The following NBEA variants were observed in gnomAD, a reference collection of about 807,000 sequenced individuals.
NBEA encodes lysosomal-trafficking regulator 2.
NBEA carries 44 observed loss-of-function variants against 343.4 expected under a neutral mutation model. That is an observed-to-expected ratio of 0.13 (90% CI 0.10 to 0.16). The LOEUF (loss-of-function observed/expected upper bound fraction) is 0.16. NBEA is among the 10% of genes least tolerant of loss of function. The pLI is 1.00. For missense variants in NBEA, 2,555 were observed against 3,631.3 expected, an observed-to-expected ratio of 0.70 and a Z score of 7.62; for synonymous variants, 1,175 against 1,238.7, an observed-to-expected ratio of 0.95 and a Z score of 1.08.
At chr13:35,208,527 T>C (rs977871195) in intron 31 of NBEA, among the ~76,000 whole-genome samples, 173 bp from the exon 32 acceptor site, 1 of 152,206 alleles carries the variant, frequency 6.6e-6, no homozygotes, top group African/African-American at 2.4e-5. Context: ...TAATATATCC[T>C]TAATGTCCAT....
intron 40 of NBEA, among the ~76,000 whole-genome samples, chr13:35,468,677 T>G (rs1249316591): frequency 6.6e-6 from 1 of 152,016 alleles, no homozygotes; most frequent in African/African-American, 2.4e-5. Flanking sequence ...TTTCTCTCAC[T>G]GCAATGAGTA....
At chr13:35,449,537 T>C (rs953436105) in intron 39 of NBEA, among the ~76,000 whole-genome samples, 5 of 152,196 alleles carry the variant, frequency 3.3e-5, no homozygotes, top group African/African-American at 1.2e-4. Flanking sequence ...TCAGGAGAGA[T>C]TTCTGAATTA....
At chr13:35,043,074 A>T (rs1258017108) in intron 2 of NBEA, among the ~76,000 whole-genome samples, 1 of 151,890 alleles carries the variant, frequency 6.6e-6, no homozygotes, top group Non-Finnish European at 1.5e-5. Flanking sequence ...AAGACCGTCT[A>T]TAATAAAATT....
intron 10 of NBEA, among the ~76,000 whole-genome samples, chr13:35,081,604 G>C (rs1055964782): frequency 1.1e-4 from 17 of 151,650 alleles, no homozygotes; most frequent in African/African-American, 4.1e-4. Flanking sequence ...TGAGGCATTT[G>C]AGAAAACAGT....
chr13:35,102,191 G>C (rs1294127321), intron 11 of NBEA, among the ~76,000 whole-genome samples: 2 of 151,416 alleles, frequency 1.3e-5, no homozygotes, highest in African/African-American at 4.9e-5. Context: ...AGCTGGCCCA[G>C]TACCATTTTT....
At chr13:35,417,884 G>A (rs965788609) in intron 38 of NBEA, among the ~76,000 whole-genome samples, 1 of 152,128 alleles carries the variant, frequency 6.6e-6, no homozygotes, top group Non-Finnish European at 1.5e-5. Flanking sequence ...CTCTTTGTAG[G>A]TCTCTAAGGA....
chr13:35,221,342 C>CAAA (rs35904333), intron 33 of NBEA, among the ~76,000 whole-genome samples: 3 of 137,700 alleles, frequency 2.2e-5, no homozygotes, highest in African/African-American at 2.8e-5. Context: ...GACACTATTT[C>CAAA]AAAAAAAAAA....
chr13:35,326,491 C>A (rs2038567831), intron 36 of NBEA, among the ~76,000 whole-genome samples: 3 of 152,012 alleles, frequency 2.0e-5, no homozygotes, highest in Non-Finnish European at 2.9e-5. Flanking sequence ...GATTTGGTAT[C>A]CTGAAACTTT....
chr13:34,995,694 T>C (rs528350974), intron 1 of NBEA, among the ~76,000 whole-genome samples: 18 of 152,302 alleles, frequency 1.2e-4, no homozygotes, highest in Middle Eastern at 6.8e-3. Context: ...TGACTGAAGC[T>C]CAGATGCTGT....
At chr13:35,464,564 C>T (rs2047071847) in intron 40 of NBEA, among the ~76,000 whole-genome samples, 1 of 152,120 alleles carries the variant, frequency 6.6e-6, no homozygotes, top group South Asian at 2.1e-4. Context: ...TAGGAGGCAG[C>T]GTATATAACA....
At chr13:35,239,283 A>G (rs2075377622) in intron 34 of NBEA, among the ~76,000 whole-genome samples, 1 of 152,082 alleles carries the variant, frequency 6.6e-6, no homozygotes, top group Non-Finnish European at 1.5e-5. Context: ...TTATAGCTAC[A>G]TGATATACAT....
At chr13:35,327,993 A>G (rs1414764965) in intron 36 of NBEA, among the ~76,000 whole-genome samples, 1 of 151,964 alleles carries the variant, frequency 6.6e-6, no homozygotes, top group Non-Finnish European at 1.5e-5. Flanking sequence ...TATAGCTAAC[A>G]TTTTAATGCA....
chr13:35,037,418 T>C (rs1287670345), intron 1 of NBEA, among the ~76,000 whole-genome samples: 1 of 152,178 alleles, frequency 6.6e-6, no homozygotes, highest in Non-Finnish European at 1.5e-5. Flanking sequence ...ATTTAGTTCA[T>C]TTGGTGAGGT....
chr13:35,487,995 G>T (rs565575209), intron 41 of NBEA, among the ~76,000 whole-genome samples: 1 of 151,744 alleles, frequency 6.6e-6, no homozygotes, highest in African/African-American at 2.4e-5. Context: ...CCATACCCAC[G>T]CAGATAAATG....
chr13:35,635,910 G>A (rs546236571), intron 49 of NBEA, among the ~76,000 whole-genome samples: 2 of 152,314 alleles, frequency 1.3e-5, no homozygotes, highest in South Asian at 2.1e-4. Context: ...AAAGTTGGAT[G>A]TATGTCATTT....
At chr13:35,225,837 C>T (rs2074623633) in intron 33 of NBEA, among the ~76,000 whole-genome samples, 1 of 152,032 alleles carries the variant, frequency 6.6e-6, no homozygotes, top group Non-Finnish European at 1.5e-5. Context: ...AACCTCAGCT[C>T]TCTGATGAGG....
chr13:35,426,251 G>A (rs201108829), intron 38 of NBEA, among the ~76,000 whole-genome samples: 14 of 152,086 alleles, frequency 9.2e-5, no homozygotes, highest in South Asian at 4.1e-4. Flanking sequence ...CTCGATGTTC[G>A]TTACAATTTG....
chr13:35,081,041 C>A (rs2064365180), intron 10 of NBEA, among the ~76,000 whole-genome samples: 1 of 152,102 alleles, frequency 6.6e-6, no homozygotes, highest in Non-Finnish European at 1.5e-5. Flanking sequence ...TACCTTAACA[C>A]AATGACTTTA....
intron 34 of NBEA, among the ~76,000 whole-genome samples, chr13:35,287,594 T>C (rs1049716029): frequency 5.3e-5 from 8 of 152,084 alleles, no homozygotes; most frequent in African/African-American, 1.9e-4. Flanking sequence ...TGTGTACTTT[T>C]TGCTTAAGCT....
Sources: gnomAD v4.1 joint callset for allele counts (sites outside exome capture counted in the v4.1 genomes callset) on GRCh38, gnomAD v4.1.1 for gene constraint, MANE v1.5 for transcripts, NCBI Gene and HGNC (gene_info 2026-07-23, HGNC 2026-07-21) for gene names.